Variants in SH3RF3 observed in about 807,000 individuals in gnomAD.
The protein encoded by SH3RF3 is SH3 domain containing ring finger 3.
A neutral mutation model predicts 66.3 loss-of-function variants in SH3RF3; 29 were observed. The observed-to-expected ratio is 0.44, with a 90% CI of 0.33 to 0.60. SH3RF3 has a LOEUF of 0.60. SH3RF3 is among the 20% of genes least tolerant of loss of function. The probability of loss-of-function intolerance (pLI) is 0.04; values close to 1 mark genes in which losing one functional copy is unlikely to be tolerated. For synonymous variants in SH3RF3, 583 were observed against 532.0 expected, an observed-to-expected ratio of 1.10 and a Z score of -1.32; for missense variants, 1,194 against 1,190.9, an observed-to-expected ratio of 1.00 and a Z score of -0.04.
At chr2:109,233,518 C>T (rs1679568926) in intron 1 of SH3RF3, among the ~76,000 whole-genome samples, 1 of 152,126 alleles carries the variant, frequency 6.6e-6, no homozygotes, top group Non-Finnish European at 1.5e-5. Context: ...TGTGGTGGGC[C>T]AGGGTGGTTT....
chr2:109,215,516 G>A (rs1293450372), intron 1 of SH3RF3, among the ~76,000 whole-genome samples: 4 of 152,064 alleles, frequency 2.6e-5, no homozygotes, highest in South Asian at 4.2e-4. Context: ...GTGTGTACTC[G>A]GAGTGCACTC....
At chr2:109,412,362 T>TGTGGCCCCAGC (rs1194394289) in intron 4 of SH3RF3, among the ~76,000 whole-genome samples, 1 of 152,216 alleles carries the variant, frequency 6.6e-6, no homozygotes, top group Admixed American at 6.5e-5. Context: ...ACCCTCCCAG[T>TGTGGCCCCAGC]GTGGCCCCAG....
At chr2:109,194,419 T>C (rs1489658115) in intron 1 of SH3RF3, among the ~76,000 whole-genome samples, 2 of 152,206 alleles carry the variant, frequency 1.3e-5, no homozygotes, top group Non-Finnish European at 2.9e-5. Flanking sequence ...CCATCCACAG[T>C]CTTCAGCTGC....
intron 8 of SH3RF3, among the ~76,000 whole-genome samples, chr2:109,476,480 G>A (rs1349002308): frequency 6.6e-6 from 1 of 152,216 alleles, no homozygotes; most frequent in Non-Finnish European, 1.5e-5. Flanking sequence ...TTCATACAAG[G>A]AGGTCTAGAA....
Position 109,247,349 on chromosome 2 carries a change from G to A in SH3RF3, c.574-100325G>A, listed in dbSNP as rs144234514. 8.2e-3 allele frequency among the ~76,000 whole-genome samples: 1,251 copies of A among 152,226 alleles called. 9 individuals are homozygous for A. The highest frequency in any genetic ancestry group is 0.024 in the South Asian group (114 of 4,824). ...TCTCTGCAGCCCCTCCCTGAACTTC[G>A]TTAGTTTCTAGATCAGTTTACTTCC... On this transcript the variant is annotated intron_variant, in intron 1 of 9. Transcript: ENST00000309415.
chr2:109,456,417 A>G (rs1347836355), intron 8 of SH3RF3, among the ~76,000 whole-genome samples: 2 of 152,242 alleles, frequency 1.3e-5, no homozygotes, highest in East Asian at 3.8e-4. Flanking sequence ...TTTTCCAGAC[A>G]GCCTTTTTTG....
chr2:109,466,943 GTCTATATA>G (rs1181511189), intron 8 of SH3RF3, among the ~76,000 whole-genome samples: 2 of 151,320 alleles, frequency 1.3e-5, no homozygotes, highest in African/African-American at 4.9e-5. Context: ...GTATGTGTGT[GTCTATATA>G]TCTGTGTGCA....
chr2:109,346,867 A>G (rs548786002), intron 1 of SH3RF3, among the ~76,000 whole-genome samples: 1 of 152,222 alleles, frequency 6.6e-6, no homozygotes, highest in Non-Finnish European at 1.5e-5. Flanking sequence ...CCCTTGAACA[A>G]TTGTACTTCT....
At chr2:109,234,031 T>G (rs538932363) in intron 1 of SH3RF3, among the ~76,000 whole-genome samples, 112 of 152,364 alleles carry the variant, frequency 7.4e-4, no homozygotes, top group Non-Finnish European at 1.6e-3. Flanking sequence ...AAGGTTTTTG[T>G]GTTAATATGT....
At chr2:109,485,366 T>C (rs1049880518) in intron 8 of SH3RF3, among the ~76,000 whole-genome samples, 9 of 152,258 alleles carry the variant, frequency 5.9e-5, no homozygotes, top group African/African-American at 2.2e-4. Context: ...TTAATGTTGC[T>C]TTTTGCAAAT....
chr2:109,390,917 T>C (rs141375289), intron 3 of SH3RF3, among the ~76,000 whole-genome samples: 2 of 152,316 alleles, frequency 1.3e-5, no homozygotes, highest in East Asian at 1.9e-4. Flanking sequence ...TGCTGTGGGC[T>C]GTGTGACAGC....
chr2:109,301,192 G>T (rs1475800275), intron 1 of SH3RF3, among the ~76,000 whole-genome samples: 2 of 152,302 alleles, frequency 1.3e-5, no homozygotes, highest in East Asian at 3.9e-4. Flanking sequence ...GGATTGCCCT[G>T]GTTCCTCTGC....
chr2:109,432,062 A>G (rs1207653255), intron 5 of SH3RF3, among the ~76,000 whole-genome samples: 1 of 152,206 alleles, frequency 6.6e-6, no homozygotes, highest in Non-Finnish European at 1.5e-5. Context: ...GCCCAAGAAT[A>G]GCTTAGCTCA....
intron 4 of SH3RF3, among the ~76,000 whole-genome samples, chr2:109,403,264 C>T (rs1414433065): frequency 2.0e-5 from 3 of 152,186 alleles, no homozygotes; most frequent in South Asian, 2.1e-4. Flanking sequence ...GTTAGGGGTG[C>T]GTCTGTAGTT....
At chr2:109,282,769 CA>C (rs1027427533) in intron 1 of SH3RF3, among the ~76,000 whole-genome samples, 1 of 152,204 alleles carries the variant, frequency 6.6e-6, no homozygotes, top group Non-Finnish European at 1.5e-5. Flanking sequence ...GAGAAAGCTG[CA>C]GAAGAGCTCA....
intron 1 of SH3RF3, among the ~76,000 whole-genome samples, chr2:109,231,573 CATG>C (rs1336077066): frequency 6.6e-6 from 1 of 152,164 alleles, no homozygotes; most frequent in East Asian, 1.9e-4. Flanking sequence ...TTCTTTATTC[CATG>C]ATAAGCTACT....
At chr2:109,277,843 A>G (rs565181863) in intron 1 of SH3RF3, among the ~76,000 whole-genome samples, 1 of 152,314 alleles carries the variant, frequency 6.6e-6, no homozygotes, top group East Asian at 1.9e-4. Context: ...GTGGCCAGGT[A>G]GACTTTGCTG....
chr2:109,162,364 T>G (rs1677508750), intron 1 of SH3RF3, among the ~76,000 whole-genome samples: 1 of 152,210 alleles, frequency 6.6e-6, no homozygotes, highest in Admixed American at 6.5e-5. Flanking sequence ...GCCTCTCTCA[T>G]TTTTCCCCTC....
chr2:109,474,704 A>G (rs1486728998), intron 8 of SH3RF3, among the ~76,000 whole-genome samples: 1 of 152,210 alleles, frequency 6.6e-6, no homozygotes, highest in Non-Finnish European at 1.5e-5. Context: ...AAAGCATCGC[A>G]GATACTTCAC....
Sources: allele counts gnomAD v4.1 joint callset (sites outside exome capture counted in the v4.1 genomes callset), GRCh38; gene constraint gnomAD v4.1.1; transcripts MANE v1.5; gene names NCBI Gene and HGNC (gene_info 2026-07-23, HGNC 2026-07-21).